Variants in MYT1L observed in about 807,000 individuals in gnomAD.
MYT1L encodes the protein myelin transcription factor 1 like, also known as myelin transcription factor 1-like protein.
Under a neutral mutation model 126.7 loss-of-function variants are expected in MYT1L, and 12 were observed. The observed-to-expected ratio is 0.09, with a 90% confidence interval of 0.06 to 0.15. The LOEUF is 0.15. Ranked by LOEUF, MYT1L falls within the 10% of genes least tolerant of loss-of-function variation. The pLI is 1.00. For missense variants in MYT1L, 979 were observed against 1,585.2 expected (o/e 0.62, Z 6.49); for synonymous variants, 541 against 604.2 (o/e 0.90, Z 1.53).
chr2:2,235,178 G>C (rs1010188167), intron 2 of MYT1L, among the ~76,000 whole-genome samples: 13 of 152,230 alleles, frequency 8.5e-5, no homozygotes, highest in African/African-American at 3.1e-4. Flanking sequence ...AGAGGGGTGT[G>C]TGTTAGCTGG....
intron 1 of MYT1L, among the ~76,000 whole-genome samples, chr2:2,291,750 C>T (rs530296766): frequency 1.8e-4 from 27 of 152,338 alleles, no homozygotes; most frequent in Admixed American, 1.8e-3. Flanking sequence ...GCCAGCCTGG[C>T]TCCCCGACCC....
intron 2 of MYT1L, among the ~76,000 whole-genome samples, chr2:2,269,532 G>A (rs923068228): frequency 2.0e-5 from 3 of 152,150 alleles, no homozygotes; most frequent in Admixed American, 6.5e-5. Context: ...TTCCCTTGCT[G>A]ACTCCCATCC....
chr2:2,149,654 T>C (rs1295180007), intron 3 of MYT1L, among the ~76,000 whole-genome samples: 1 of 152,250 alleles, frequency 6.6e-6, no homozygotes, highest in Non-Finnish European at 1.5e-5. Flanking sequence ...TTTCCAGGGC[T>C]GTTTCATTCT....
intron 3 of MYT1L, among the ~76,000 whole-genome samples, chr2:2,064,518 A>G (rs994119415): frequency 6.6e-6 from 1 of 152,190 alleles, no homozygotes; most frequent in African/African-American, 2.4e-5. Context: ...CATAATTATC[A>G]TGACCTCCCT....
chr2:1,990,736 G>A (rs982136197), intron 5 of MYT1L, among the ~76,000 whole-genome samples: 1 of 152,196 alleles, frequency 6.6e-6, no homozygotes, highest in Non-Finnish European at 1.5e-5. Flanking sequence ...CGGCAGTTCT[G>A]TGTGGACTGC....
chr2:2,157,763 A>G (rs1344461462), intron 3 of MYT1L, among the ~76,000 whole-genome samples: 1 of 152,220 alleles, frequency 6.6e-6, no homozygotes, highest in African/African-American at 2.4e-5. Context: ...TAATTTTAAA[A>G]GAAAATGTCT....
intron 1 of MYT1L, among the ~76,000 whole-genome samples, chr2:2,303,231 A>G (rs529804742): frequency 6.6e-6 from 1 of 152,338 alleles, no homozygotes; most frequent in Admixed American, 6.5e-5. Context: ...AGACTTGTTG[A>G]AAAAGCGGAT....
At chr2:1,822,304 A>T (rs902834875) in intron 21 of MYT1L, among the ~76,000 whole-genome samples, 9 of 152,130 alleles carry the variant, frequency 5.9e-5, no homozygotes, top group Admixed American at 1.3e-4. Flanking sequence ...GTGTTTTAAG[A>T]TTTAGTGGAG....
chr2:2,070,552 C>T (rs556031144), intron 3 of MYT1L, among the ~76,000 whole-genome samples: 1 of 152,298 alleles, frequency 6.6e-6, no homozygotes, highest in African/African-American at 2.4e-5. Context: ...TTGATGTTGA[C>T]CCAATTCGCT....
intron 4 of MYT1L, among the ~76,000 whole-genome samples, chr2:2,048,715 G>A (rs532928234): frequency 2.6e-5 from 4 of 152,118 alleles, no homozygotes; most frequent in Admixed American, 1.3e-4. Flanking sequence ...CCCCCTAAGC[G>A]GTCCATGGTC....
intron 4 of MYT1L, among the ~76,000 whole-genome samples, chr2:2,023,940 C>A (rs1447347162): frequency 6.6e-6 from 1 of 152,086 alleles, no homozygotes; most frequent in Non-Finnish European, 1.5e-5. Context: ...TTTTAAAGCC[C>A]CTCAATTCAA....
chr2:2,212,461 C>T (rs1353454764), intron 2 of MYT1L, among the ~76,000 whole-genome samples: 2 of 152,100 alleles, frequency 1.3e-5, no homozygotes, highest in African/African-American at 2.4e-5. Context: ...ATATGTAACA[C>T]AATATTCATA....
chr2:2,316,550 A>C (rs931952905), intron 1 of MYT1L, among the ~76,000 whole-genome samples: 1 of 152,222 alleles, frequency 6.6e-6, no homozygotes, highest in Admixed American at 6.5e-5. Context: ...CGTCCTGAGA[A>C]GTTAGGAAGA....
intron 2 of MYT1L, among the ~76,000 whole-genome samples, chr2:2,253,126 G>T (rs2094698988): frequency 6.6e-6 from 1 of 150,378 alleles, no homozygotes; most frequent in South Asian, 2.1e-4. Context: ...CTTTGAAAAA[G>T]AAAAAAAGAA....
At chr2:2,147,153 G>C (rs1400978626) in intron 3 of MYT1L, among the ~76,000 whole-genome samples, 1 of 152,176 alleles carries the variant, frequency 6.6e-6, no homozygotes, top group Non-Finnish European at 1.5e-5. Flanking sequence ...CAGGCATTTG[G>C]AGACTAGCAC....
chr2:1,992,293 T>A (rs2061507362), intron 5 of MYT1L, among the ~76,000 whole-genome samples: 1 of 152,232 alleles, frequency 6.6e-6, no homozygotes, highest in Non-Finnish European at 1.5e-5. Flanking sequence ...AATACTTGGC[T>A]AGTTTTTCCC....
chr2:2,311,481 G>A (rs1466945613), intron 1 of MYT1L, among the ~76,000 whole-genome samples: 1 of 152,192 alleles, frequency 6.6e-6, no homozygotes, highest in Admixed American at 6.5e-5. Context: ...TATATAAGCT[G>A]AGAGCCCTGG....
In MYT1L at chr2:1,841,162, C is replaced by CTTT. The variant is rs1209689299; in HGVS notation, c.2775-322_2775-320dup. 29 of 86,392 alleles carry CTTT rather than the reference C, an allele frequency of 3.4e-4. 1 individual carries two copies. The highest frequency in any genetic ancestry group is 8.1e-3 in the Middle Eastern group (1 of 124). The allele number at this position is 86,392 out of a possible 1,614,324, so 5.4% of individuals were successfully genotyped here. On this transcript the variant is annotated intron_variant, in intron 19 of 24. Coordinates refer to ENST00000647738, the MANE Select transcript of MYT1L (RefSeq NM_001303052.2). The stretch of plus-strand genomic sequence containing the variant: ...CCTCGTGATTTGCCCACCTCGGCCT[C>CTTT]TTTTTTTTTTTTTTTTTTTGAGACA...
intron 1 of MYT1L, among the ~76,000 whole-genome samples, chr2:2,319,895 T>C (rs2096131296): frequency 6.6e-6 from 1 of 152,076 alleles, no homozygotes; most frequent in Non-Finnish European, 1.5e-5. Flanking sequence ...ATGCACATTG[T>C]ATTAATTATT....
Sources: allele counts gnomAD v4.1 joint callset (sites outside exome capture counted in the v4.1 genomes callset), GRCh38; gene constraint gnomAD v4.1.1; transcripts MANE v1.5; gene names NCBI Gene and HGNC (gene_info 2026-07-23, HGNC 2026-07-21).